RAD51B: variants seen among roughly 807,000 people sequenced by gnomAD.
RAD51B encodes the protein RAD51 paralog B.
Under a neutral mutation model 42.2 loss-of-function variants are expected in RAD51B, and 38 were observed. That is an observed-to-expected ratio of 0.90 (90% CI 0.70 to 1.18). The LOEUF is 1.18. Ranked by LOEUF, RAD51B falls within the 50% of genes most tolerant of loss-of-function variation. RAD51B has a pLI of 0.00. For missense variants in RAD51B, 373 were observed against 400.7 expected (o/e 0.93, Z 0.59); for synonymous variants, 154 against 145.2 (o/e 1.06, Z -0.43).
intron 10 of RAD51B, among the ~76,000 whole-genome samples, chr14:68,519,310 C>A (rs1886404746): frequency 6.6e-6 from 1 of 152,186 alleles, no homozygotes; most frequent in African/African-American, 2.4e-5. Context: ...TCCTGGCCAA[C>A]CTGAATTAAC....
chr14:68,649,502 A>G (rs1030773128), intron 10 of RAD51B, among the ~76,000 whole-genome samples: 3 of 152,196 alleles, frequency 2.0e-5, no homozygotes, highest in African/African-American at 7.2e-5. Flanking sequence ...ACCTTGCATG[A>G]CTTTTCAGCC....
intron 7 of RAD51B, among the ~76,000 whole-genome samples, chr14:67,954,394 A>T (rs953325971): frequency 6.6e-6 from 1 of 152,112 alleles, no homozygotes; most frequent in Non-Finnish European, 1.5e-5. Context: ...GTAGGTTTGG[A>T]TGCTGACTCT....
chr14:68,594,653 T>G (rs1037541833), exon 11 of RAD51B: 1 of 1,276,000 alleles, frequency 7.8e-7, no homozygotes. Context: ...GATCTCAAAC[T>G]CCTGGCTTCA....
At position 68,306,456 on chromosome 14, in the gene RAD51B, A is replaced by G. The variant is rs73272229; in HGVS notation, c.853+14476A>G. On this transcript the variant is annotated intron_variant, in intron 8 of 10. Coordinates refer to ENST00000471583, the MANE Select transcript of RAD51B (RefSeq NM_133510.4). Reference sequence around the variant, plus strand: ...GAAATCATTTTTTTTCTCCATGAGAATGTGCAGGTCAGCTGAGACAAGCAT... The same window carrying G: ...GAAATCATTTTTTTTCTCCATGAGAGTGTGCAGGTCAGCTGAGACAAGCAT... 8.0e-3 allele frequency among the ~76,000 whole-genome samples: 1,222 copies of G among 152,328 alleles called. 14 individuals carry two copies. The highest frequency in any genetic ancestry group is 0.029 in the African/African-American group (1,185 of 41,552).
chr14:67,846,089 G>A (rs1566920742), intron 4 of RAD51B, among the ~76,000 whole-genome samples: 1 of 152,148 alleles, frequency 6.6e-6, no homozygotes. Flanking sequence ...TGGGGTGGTG[G>A]CAGTGGGATC....
chr14:67,915,807 T>A (rs1247564903), intron 7 of RAD51B, among the ~76,000 whole-genome samples: 1 of 152,220 alleles, frequency 6.6e-6, no homozygotes, highest in East Asian at 1.9e-4. Context: ...AGCCTGCCAT[T>A]ACAAAAAGAA....
intron 5 of RAD51B, among the ~76,000 whole-genome samples, chr14:67,882,927 T>C (rs959031572): frequency 6.6e-6 from 1 of 152,172 alleles, no homozygotes; most frequent in Non-Finnish European, 1.5e-5. Context: ...GTATTTTTAG[T>C]AGAGACGGGG....
intron 9 of RAD51B, among the ~76,000 whole-genome samples, chr14:68,413,679 G>A (rs2084476055): frequency 6.6e-6 from 1 of 152,198 alleles, no homozygotes; most frequent in South Asian, 2.1e-4. Flanking sequence ...AGCAGAGGGT[G>A]TGCTTAGTGA....
intron 7 of RAD51B, among the ~76,000 whole-genome samples, chr14:67,971,873 A>C (rs1380586961): frequency 1.3e-5 from 2 of 151,820 alleles, no homozygotes; most frequent in Admixed American, 6.6e-5. Context: ...TTTTAGATTT[A>C]TTGAGTTCAG....
Position 68,075,923 on chromosome 14 carries a change from C to A in RAD51B, c.756+188719C>A, listed in dbSNP as rs1184810116. Among the ~76,000 whole-genome samples the A allele has an allele frequency of 5.3e-5, 8 of 152,356 alleles. No individual in the cohort carries two copies. In the East Asian group the frequency reaches 1.5e-3, roughly 29 times the overall value. ...GCAGCTGCAATGGCAGGGGGGCTGT[C>A]AGTTGTCTCTGGGATGTCCTCTCCT... On this transcript the variant is annotated intron_variant, in intron 7 of 10. Coordinates refer to ENST00000471583, the MANE Select transcript of RAD51B (RefSeq NM_133510.4).
At chr14:68,204,406 C>T (rs1260132197) in intron 7 of RAD51B, among the ~76,000 whole-genome samples, 1 of 152,156 alleles carries the variant, frequency 6.6e-6, no homozygotes, top group African/African-American at 2.4e-5. Flanking sequence ...TCATGGCACC[C>T]ACAAACAATG....
At chr14:68,429,935 G>A (rs1337304056) in intron 9 of RAD51B, among the ~76,000 whole-genome samples, 1 of 152,176 alleles carries the variant, frequency 6.6e-6, no homozygotes, top group Non-Finnish European at 1.5e-5. Context: ...CAAGGTGTAT[G>A]GAAGGGATCC....
intron 7 of RAD51B, among the ~76,000 whole-genome samples, chr14:67,995,660 CTGGA>C (rs1312063163): frequency 2.0e-5 from 3 of 150,322 alleles, no homozygotes; most frequent in African/African-American, 7.4e-5. Flanking sequence ...GTCACCCAGG[CTGGA>C]TGGAGTGCAG....
intron 7 of RAD51B, among the ~76,000 whole-genome samples, chr14:67,909,303 G>A (rs2043886220): frequency 6.6e-6 from 1 of 152,130 alleles, no homozygotes; most frequent in African/African-American, 2.4e-5. Context: ...GAAAAGTGGA[G>A]GAAGAGATAT....
intron 10 of RAD51B, among the ~76,000 whole-genome samples, chr14:68,538,251 G>A (rs2140362442): frequency 6.6e-6 from 1 of 152,320 alleles, no homozygotes; most frequent in South Asian, 2.1e-4. Context: ...CAGAGGGACA[G>A]CCAAGGGGAG....
intron 10 of RAD51B, among the ~76,000 whole-genome samples, chr14:68,493,657 C>A (rs1225402252): frequency 1.3e-5 from 2 of 152,180 alleles, no homozygotes; most frequent in African/African-American, 4.8e-5. Flanking sequence ...TGTCCCAGAC[C>A]TATTTTATAG....
At position 68,313,802 on chromosome 14, in the gene RAD51B, A is replaced by G. The variant is rs138970271; in HGVS notation, c.853+21822A>G. Among the ~76,000 whole-genome samples the G allele has an allele frequency of 7.2e-3, 1,099 of 152,328 alleles. 10 individuals carry two copies. The highest frequency in any genetic ancestry group is 0.023 in the African/African-American group (954 of 41,564). On this transcript the variant is annotated intron_variant, in intron 8 of 10. Coordinates refer to ENST00000471583, the MANE Select transcript of RAD51B (RefSeq NM_133510.4). ...GGCTTGGGCATTGGTCTTGAGTGATATAAATGGTTTTTCTAATAGAAGGCA... is the reference window on the plus strand; with the variant it reads ...GGCTTGGGCATTGGTCTTGAGTGATGTAAATGGTTTTTCTAATAGAAGGCA...
chr14:68,352,411 A>G (rs1286311492), intron 8 of RAD51B, among the ~76,000 whole-genome samples: 3 of 152,318 alleles, frequency 2.0e-5, no homozygotes, highest in African/African-American at 7.2e-5. Context: ...GCCCACATAG[A>G]AACATGTCTG....
chr14:68,423,641 CA>C (rs1566875090), intron 9 of RAD51B, among the ~76,000 whole-genome samples: 1 of 152,168 alleles, frequency 6.6e-6, no homozygotes, highest in Non-Finnish European at 1.5e-5. Context: ...CTTTATTCTA[CA>C]ATGAGTACCA....
Sources: allele counts gnomAD v4.1 joint callset (sites outside exome capture counted in the v4.1 genomes callset), GRCh38; gene constraint gnomAD v4.1.1; transcripts MANE v1.5; gene names NCBI Gene and HGNC (gene_info 2026-07-23, HGNC 2026-07-21).